Variants in VSIG1 observed in about 807,000 individuals in gnomAD.
The protein encoded by VSIG1 is V-set and immunoglobulin domain containing 1.
In VSIG1, 11 loss-of-function variants were observed where a neutral mutation model predicts 20.1. The ratio of observed to expected loss-of-function variants is 0.55; its 90% CI spans 0.34 to 0.91. VSIG1 has a LOEUF of 0.91. Among genes scored for constraint, VSIG1 ranks in the 40% least tolerant of loss-of-function variants. The pLI is 0.02. For missense variants in VSIG1, 283 were observed against 298.8 expected (o/e 0.95, Z 0.39); for synonymous variants, 126 against 116.7 (o/e 1.08, Z -0.52).
intron 1 of VSIG1, among the ~76,000 whole-genome samples, chrX:108,047,461 G>A (rs1195437409): frequency 6.3e-5 from 7 of 110,422 alleles, no homozygotes; most frequent in Non-Finnish European, 1.9e-5. Flanking sequence ...GTTAATGTGG[G>A]TTTCATTTTC....
intron 2 of VSIG1, chrX:108,061,677 C>T (rs2031029206): frequency 2.0e-6 from 1 of 496,288 alleles, no homozygotes; most frequent in Non-Finnish European, 3.5e-6. Context: ...AAAACTGGGA[C>T]AGTCTTGAGT....
the VSIG1 span, among the ~76,000 whole-genome samples, chrX:108,036,946 A>G: frequency 8.9e-6 from 1 of 111,856 alleles, no homozygotes; most frequent in Non-Finnish European, 1.9e-5. Context: ...TCTTACTGTT[A>G]TTATAATGAG....
At chrX:108,064,150 A>G (rs1019435613) in intron 2 of VSIG1, among the ~76,000 whole-genome samples, 4 of 111,524 alleles carry the variant, frequency 3.6e-5, no homozygotes, top group Non-Finnish European at 7.5e-5. Flanking sequence ...CTTTACAAGG[A>G]CAGTGTGACT....
chrX:108,019,915 T>C, the VSIG1 span, among the ~76,000 whole-genome samples: 1 of 110,541 alleles, frequency 9.0e-6, no homozygotes, highest in African/African-American at 3.3e-5. Flanking sequence ...CCACTGGGAG[T>C]CTCTCGCTTA....
At chrX:108,047,923 T>TATATATATACACACAC (rs1569287295) in intron 1 of VSIG1, among the ~76,000 whole-genome samples, 7 of 17,625 alleles carry the variant, frequency 4.0e-4, no homozygotes, top group Non-Finnish European at 4.9e-4. Flanking sequence ...TATATACACA[T>TATATATATACACACAC]ATATATATAT....
At chrX:108,072,017 T>C (rs1275348360) in intron 3 of VSIG1, among the ~76,000 whole-genome samples, 2 of 110,694 alleles carry the variant, frequency 1.8e-5, no homozygotes, top group East Asian at 5.6e-4. Flanking sequence ...AAACTGTGCT[T>C]TTAAAGCATA....
Position 108,047,432 on chromosome X carries a change from T to A in VSIG1, c.49+2253T>A, listed in dbSNP as rs371150111. Among the ~76,000 whole-genome samples the A allele has an allele frequency of 1.2e-4, 13 of 111,516 alleles. No homozygotes were observed. In the East Asian group the frequency reaches 3.1e-3, roughly 27 times the overall value. ...TTTAGGTATTTGAAATATGTATTAG[T>A]CACCTCTTAGAAAGATATGTTAATG... On this transcript the variant is annotated intron_variant, in intron 1 of 6. Transcript: ENST00000217957.
At chrX:108,026,506 G>A in the VSIG1 span, among the ~76,000 whole-genome samples, 1 of 111,217 alleles carries the variant, frequency 9.0e-6, no homozygotes, top group Non-Finnish European at 1.9e-5. Context: ...CTGTTAGGAA[G>A]CTGTGTTGTT....
chrX:108,076,333 G>A (rs2031347828), intron 6 of VSIG1, 115 bp downstream of exon 6: 5 of 871,258 alleles, frequency 5.7e-6, no homozygotes, highest in Non-Finnish European at 7.9e-6. Context: ...GTATCTTTCT[G>A]TTTACTCTCA....
chrX:108,039,163 G>C, the VSIG1 span, among the ~76,000 whole-genome samples: 1 of 110,906 alleles, frequency 9.0e-6, no homozygotes, highest in African/African-American at 3.3e-5. Context: ...TACATTCCTA[G>C]GTAATTTTTT....
intron 1 of VSIG1, among the ~76,000 whole-genome samples, chrX:108,056,991 T>G (rs1033334574): frequency 8.9e-6 from 1 of 112,383 alleles, no homozygotes; most frequent in Non-Finnish European, 1.9e-5. Context: ...ACAGCCCAGA[T>G]GTCCTTAAAT....
intron 3 of VSIG1, among the ~76,000 whole-genome samples, chrX:108,071,303 T>C (rs1163796285): frequency 9.0e-6 from 1 of 111,585 alleles, no homozygotes; most frequent in Non-Finnish European, 1.9e-5. Flanking sequence ...TTGGAAAGTA[T>C]AGAAATTTAC....
chrX:108,063,535 G>A (rs969586444), intron 2 of VSIG1, among the ~76,000 whole-genome samples: 1 of 111,332 alleles, frequency 9.0e-6, no homozygotes, highest in Non-Finnish European at 1.9e-5. Context: ...CGAATGCCTT[G>A]TTTGCGTTGA....
chrX:108,057,767 C>T (rs188344751), intron 1 of VSIG1, among the ~76,000 whole-genome samples: 8 of 110,831 alleles, frequency 7.2e-5, no homozygotes, highest in Admixed American at 5.7e-4. Flanking sequence ...TGTGTAAGGC[C>T]GCCCTTAACA....
At chrX:108,047,795 T>TATATATATATATACATATATATATAC (rs1214102138) in intron 1 of VSIG1, among the ~76,000 whole-genome samples, 2 of 76,709 alleles carry the variant, frequency 2.6e-5, no homozygotes, top group African/African-American at 5.4e-5. Context: ...TCTCTCTATA[T>TATATATATATATACATATATATATAC]ATATATATAT....
chrX:108,038,630 C>T, the VSIG1 span, among the ~76,000 whole-genome samples: 110 of 112,340 alleles, frequency 9.8e-4, 2 homozygotes, highest in Admixed American at 8.8e-3. Context: ...CAGTGATAGG[C>T]TGGATAAAGA....
At position 108,077,113 on chromosome X, in the gene VSIG1, T is replaced by C. The variant is rs1230032261; in HGVS notation, c.896T>C (p.Leu299Pro). Reference sequence around the variant, plus strand: ...ATGCCAAGAGAAGACGCTACCCAACTAGAAGTAACTCTACCATCTTCCATT... The same window carrying C: ...ATGCCAAGAGAAGACGCTACCCAACCAGAAGTAACTCTACCATCTTCCATT... Reference protein sequence around the residue: ...EAMPREDATQLEVTLPSSIHE... With the variant: ...EAMPREDATQPEVTLPSSIHE... The change falls in exon 7 of 7, where the codon CTA (leucine) becomes CCA (proline). Residue 299 changes from leucine to proline, a missense_variant. Coordinates refer to ENST00000217957, the MANE Select transcript of VSIG1 (RefSeq NM_182607.5). The C allele has an allele frequency of 1.7e-6, 2 of 1,210,222 alleles. No homozygotes were observed. The highest frequency in any genetic ancestry group is 2.2e-6 in the Non-Finnish European group (2 of 895,288).
chrX:108,047,875 T>C (rs1289790040), intron 1 of VSIG1, among the ~76,000 whole-genome samples: 4,710 of 28,310 alleles, frequency 0.17, 1,031 homozygotes, highest in Non-Finnish European at 0.22. Context: ...TATATACACA[T>C]ATATATATAT....
At chrX:108,058,576 TTG>T (rs2030958747) in intron 2 of VSIG1, among the ~76,000 whole-genome samples, 1 of 111,883 alleles carries the variant, frequency 8.9e-6, no homozygotes, top group African/African-American at 3.2e-5. Context: ...CAAGTCCTGA[TTG>T]ATCTGCAGAT....
Sources: gnomAD v4.1 joint callset for allele counts (sites outside exome capture counted in the v4.1 genomes callset) on GRCh38, gnomAD v4.1.1 for gene constraint, MANE v1.5 for transcripts, NCBI Gene and HGNC (gene_info 2026-07-23, HGNC 2026-07-21) for gene names.